Variants in ADAMTS6 observed in about 807,000 individuals in gnomAD.
ADAMTS6 encodes ADAM metallopeptidase with thrombospondin type 1 motif 6.
In ADAMTS6, 23 loss-of-function variants were observed where a neutral mutation model predicts 144.3. That is an observed-to-expected ratio of 0.16 (90% CI 0.11 to 0.23). The LOEUF (loss-of-function observed/expected upper bound fraction) is 0.23. Among genes scored for constraint, ADAMTS6 ranks in the 10% least tolerant of loss-of-function variants. The pLI is 1.00. For missense variants in ADAMTS6, 999 were observed against 1,379.6 expected (o/e 0.72, Z 4.37); for synonymous variants, 444 against 457.5 (o/e 0.97, Z 0.38).
At chr5:65,175,315 G>T (rs1753903218) in intron 22 of ADAMTS6, among the ~76,000 whole-genome samples, 1 of 149,684 alleles carries the variant, frequency 6.7e-6, no homozygotes. Flanking sequence ...AGAGACAGAG[G>T]CAAAAGCAAA....
At chr5:65,327,467 G>A (rs1746283813) in intron 9 of ADAMTS6, among the ~76,000 whole-genome samples, 1 of 151,728 alleles carries the variant, frequency 6.6e-6, no homozygotes, top group Admixed American at 6.6e-5. Flanking sequence ...TTAAATGGAA[G>A]CATTTTTCTG....
chr5:65,202,933 T>C (rs1755831429), intron 20 of ADAMTS6, among the ~76,000 whole-genome samples: 1 of 152,218 alleles, frequency 6.6e-6, no homozygotes, highest in Non-Finnish European at 1.5e-5. Flanking sequence ...TTCTTCCAGA[T>C]CCAAACTTCT....
chr5:65,370,483 G>C (rs1270032663), intron 7 of ADAMTS6, among the ~76,000 whole-genome samples: 1 of 152,190 alleles, frequency 6.6e-6, no homozygotes, highest in Non-Finnish European at 1.5e-5. Flanking sequence ...GGGTCAGGGA[G>C]TTCCCTTTCC....
At chr5:65,206,800 T>A (rs1580055203) in intron 20 of ADAMTS6, among the ~76,000 whole-genome samples, 1 of 150,862 alleles carries the variant, frequency 6.6e-6, no homozygotes, top group African/African-American at 2.4e-5. Flanking sequence ...ATATCTTCTA[T>A]GTTTATATGC....
chr5:65,188,250 A>G (rs147833956), intron 21 of ADAMTS6, 30 bp from the exon 22 acceptor site: 2 of 1,608,652 alleles, frequency 1.2e-6, no homozygotes, highest in Non-Finnish European at 1.7e-6. Flanking sequence ...AAACACAGAA[A>G]AGCATTTCCT....
intron 7 of ADAMTS6, among the ~76,000 whole-genome samples, chr5:65,343,426 A>C (rs1748043592): frequency 6.6e-6 from 1 of 152,124 alleles, no homozygotes; most frequent in Non-Finnish European, 1.5e-5. Flanking sequence ...CAAAGGTGCC[A>C]AGAACACTCA....
intron 20 of ADAMTS6, among the ~76,000 whole-genome samples, chr5:65,208,477 G>A (rs1314048203): frequency 6.6e-6 from 1 of 152,132 alleles, no homozygotes; most frequent in African/African-American, 2.4e-5. Context: ...AGATCTTTAT[G>A]GGTGGGGATA....
intron 20 of ADAMTS6, among the ~76,000 whole-genome samples, chr5:65,199,672 T>G (rs1206418061): frequency 6.6e-6 from 1 of 152,180 alleles, no homozygotes; most frequent in Non-Finnish European, 1.5e-5. Context: ...AAAAATTACA[T>G]GTATACCCAA....
At chr5:65,200,719 A>G (rs903817341) in intron 20 of ADAMTS6, among the ~76,000 whole-genome samples, 2 of 152,156 alleles carry the variant, frequency 1.3e-5, no homozygotes, top group Non-Finnish European at 1.5e-5. Flanking sequence ...AACTGTATGT[A>G]TATGTTTTTT....
intron 7 of ADAMTS6, among the ~76,000 whole-genome samples, chr5:65,361,722 T>A (rs1749837783): frequency 6.6e-6 from 1 of 152,090 alleles, no homozygotes; most frequent in Non-Finnish European, 1.5e-5. Flanking sequence ...TATGGTGATT[T>A]TTTTTCTTTT....
intron 11 of ADAMTS6, 126 bp from the exon 12 acceptor site, chr5:65,273,573 C>A (rs1762223899): frequency 6.0e-6 from 4 of 667,952 alleles, no homozygotes; most frequent in Non-Finnish European, 7.6e-6. Context: ...GCTGAAGCAT[C>A]GCAGTTGAGG....
chr5:65,177,545 C>G (rs553167656), intron 22 of ADAMTS6, among the ~76,000 whole-genome samples: 1 of 152,226 alleles, frequency 6.6e-6, no homozygotes, highest in South Asian at 2.1e-4. Context: ...AGGATTCTTG[C>G]CCCCCAATGT....
chr5:65,277,381 G>C (rs1031823199), intron 11 of ADAMTS6, among the ~76,000 whole-genome samples: 5 of 152,242 alleles, frequency 3.3e-5, no homozygotes, highest in South Asian at 4.2e-4. Flanking sequence ...ATTGCTCTAT[G>C]ATAAAGTTTT....
At chr5:65,231,021 TAGTA>T (rs1758201937) in intron 15 of ADAMTS6, among the ~76,000 whole-genome samples, 3 of 150,698 alleles carry the variant, frequency 2.0e-5, no homozygotes, top group South Asian at 4.2e-4. Context: ...AAGATATAAC[TAGTA>T]AGTAATTATT....
At chr5:65,163,708 T>C (rs1002372595) in intron 24 of ADAMTS6, among the ~76,000 whole-genome samples, 6 of 152,236 alleles carry the variant, frequency 3.9e-5, no homozygotes, top group African/African-American at 1.4e-4. Context: ...ATAGGTTTTT[T>C]CAGGGCCTTA....
chr5:65,249,987 C>A (rs1198071810), intron 14 of ADAMTS6, among the ~76,000 whole-genome samples: 3 of 152,160 alleles, frequency 2.0e-5, no homozygotes, highest in Admixed American at 1.3e-4. Flanking sequence ...CCTTGCCACA[C>A]CCACCTCCCA....
intron 7 of ADAMTS6, among the ~76,000 whole-genome samples, chr5:65,432,114 T>G (rs1757044024): frequency 6.6e-6 from 1 of 152,026 alleles, no homozygotes; most frequent in Non-Finnish European, 1.5e-5. Context: ...GAAATAAGAA[T>G]AAAATTTTTA....
chr5:65,320,627 G>T (rs530151782), intron 9 of ADAMTS6, among the ~76,000 whole-genome samples: 2 of 151,456 alleles, frequency 1.3e-5, no homozygotes, highest in South Asian at 4.2e-4. Flanking sequence ...TGTCATGGGG[G>T]TCTGTTTTAT....
At position 65,275,213 on chromosome 5, in the gene ADAMTS6, CAAAAAAAAAAAA is replaced by C. The variant is rs70983666; in HGVS notation, c.1513-1778_1513-1767del. 3.0e-4 allele frequency among the ~76,000 whole-genome samples: 19 copies of C among 63,832 alleles called. No individual in the cohort carries two copies. In the East Asian group the frequency reaches 5.7e-3, roughly 19 times the overall value. 41.9% of individuals were successfully genotyped at this position (63,832 alleles called of 152,430 possible). ...TGGATGACAGAATGAGGCTCTGTGT[CAAAAAAAAAAAA>C]AAAAAAAAAAAAAAAAAGGAAAGAA... On this transcript the variant is annotated intron_variant, in intron 11 of 24. Transcript: ENST00000381055.
Sources: allele counts gnomAD v4.1 joint callset (sites outside exome capture counted in the v4.1 genomes callset), GRCh38; gene constraint gnomAD v4.1.1; transcripts MANE v1.5; gene names NCBI Gene and HGNC (gene_info 2026-07-23, HGNC 2026-07-21).